The following NCSTN variants were observed in gnomAD, a reference collection of about 807,000 sequenced individuals.
NCSTN encodes the protein nicastrin, also known as anterior pharynx-defective 2.
A neutral mutation model predicts 87.0 loss-of-function variants in NCSTN; 22 were observed. That is an observed-to-expected ratio of 0.25 (90% confidence interval 0.18 to 0.36). NCSTN has a LOEUF of 0.36. Ranked by LOEUF, NCSTN falls within the 10% of genes least tolerant of loss-of-function variation. The pLI, the probability that NCSTN is intolerant of heterozygous loss-of-function variation, is 1.00. For synonymous variants in NCSTN, 306 were observed against 327.1 expected (o/e 0.94, Z 0.69); for missense variants, 693 against 883.3 (o/e 0.78, Z 2.73).
In NCSTN at chr1:160,349,617, C is replaced by G; in HGVS notation, c.383C>G (p.Pro128Arg). The G allele has an allele frequency of 6.2e-7, 1 of 1,614,106 alleles. No individual in the cohort carries two copies. Among genetic ancestry groups the G allele is most frequent in the Non-Finnish European group, 8.5e-7 (1 of 1,180,016 alleles). The part of the protein sequence containing the change: ...IAGLAVSLTK[P>R]SPASGFSPSV... ...GGTCTTGCAGTGTCCTTGACCAAGCCCAGTCCTGCCTCAGGCTTCTCTCCT... is the reference window on the plus strand; with the variant it reads ...GGTCTTGCAGTGTCCTTGACCAAGCGCAGTCCTGCCTCAGGCTTCTCTCCT... The change falls in exon 4 of 17, where the codon CCC (proline) becomes CGC (arginine). Residue 128 changes from proline to arginine, a missense_variant. Physicochemically the swap from Pro to Arg is moderately radical, Grantham distance 103. Coordinates refer to ENST00000294785, the MANE Select transcript of NCSTN (RefSeq NM_015331.3).
intron 2 of NCSTN, among the ~76,000 whole-genome samples, chr1:160,348,154 C>G (rs1252135004): frequency 6.6e-6 from 1 of 152,158 alleles, no homozygotes; most frequent in Non-Finnish European, 1.5e-5. Flanking sequence ...TAGGATATCT[C>G]CACACAGATC....
chr1:160,355,602 G>C, intron 11 of NCSTN, 53 bp from the exon 12 acceptor site: 1 of 1,347,976 alleles, frequency 7.4e-7, no homozygotes, highest in Non-Finnish European at 1.1e-6. Flanking sequence ...AGGGAGGAAA[G>C]GGGCAGAGCC....
At position 160,351,188 on chromosome 1, in the gene NCSTN, T is replaced by C. The variant is rs199955659; in HGVS notation, c.583-34T>C. On this transcript the variant is annotated intron_variant, in intron 5 of 16. Coordinates refer to ENST00000294785, the MANE Select transcript of NCSTN (RefSeq NM_015331.3). ...GATGTAAGGGAGGGCCTCCACAAACTAGCTGTCTCAGTGGGGTCCATCTCC... is the reference window on the plus strand; with the variant it reads ...GATGTAAGGGAGGGCCTCCACAAACCAGCTGTCTCAGTGGGGTCCATCTCC... 8 of 1,613,444 alleles carry C rather than the reference T, an allele frequency of 5.0e-6. No homozygotes were observed. The South Asian group carries it at 8.8e-5, about 18-fold the overall frequency.
Position 160,354,291 on chromosome 1 carries a change from G to C in NCSTN, c.1352+1G>C, listed in dbSNP as rs1361408137. The C allele has an allele frequency of 6.2e-7, 1 of 1,614,110 alleles. No individual in the cohort carries two copies. The highest frequency in any genetic ancestry group is 8.5e-7 in the Non-Finnish European group (1 of 1,179,994). On this transcript the variant is annotated splice_donor_variant, in intron 11 of 16. Coordinates refer to ENST00000294785, the MANE Select transcript of NCSTN (RefSeq NM_015331.3). LOFTEE classifies it high-confidence loss of function. ...ACCACTCTGGTGCCTTCCATAACAAGTAAGAATCACTTGGCCCTGCACCCT... is the reference window on the plus strand; with the variant it reads ...ACCACTCTGGTGCCTTCCATAACAACTAAGAATCACTTGGCCCTGCACCCT...
chr1:160,353,239 T>C lies in NCSTN; in HGVS notation c.1179+2T>C. ...AAAAATGAGTCTGTACGGAACCAGG[T>C]AACCTGAGCATCTCCCCTCATTTCC... On this transcript the variant is annotated splice_donor_variant, in intron 10 of 16. Coordinates refer to ENST00000294785, the MANE Select transcript of NCSTN (RefSeq NM_015331.3). LOFTEE classifies it high-confidence loss of function. 6.2e-7 allele frequency: 1 copy of C among 1,614,102 alleles called. No homozygotes were observed. The highest frequency in any genetic ancestry group is 8.5e-7 in the Non-Finnish European group (1 of 1,179,982).
At chr1:160,349,347 C>T (rs1482725508) in intron 3 of NCSTN, 1 of 897,576 alleles carries the variant, frequency 1.1e-6, no homozygotes, top group Admixed American at 2.0e-5. Context: ...TCCCTCCCCT[C>T]CCTCCCTGGG....
Position 160,343,458 on chromosome 1 carries a change from T to C in NCSTN, c.62T>C (p.Leu21Pro). The C allele has an allele frequency of 6.2e-7, 1 of 1,611,232 alleles. No homozygotes were observed. Among genetic ancestry groups the C allele is most frequent in the Non-Finnish European group, 8.5e-7 (1 of 1,179,146 alleles). The change falls in exon 1 of 17, where the codon CTG (leucine) becomes CCG (proline). Residue 21 changes from leucine (L) to proline (P), a missense_variant. Around this residue, in one of 4 missense-constraint regions of NCSTN, gnomAD observed 235 missense variants for 233.9 expected, o/e 1.00. Transcript: ENST00000294785. ...GGAAGTCGGGGTCTCCTTCGCCTTCTGTCTTTCTGCGTCCTACTAGCAGGT... is the reference window on the plus strand; with the variant it reads ...GGAAGTCGGGGTCTCCTTCGCCTTCCGTCTTTCTGCGTCCTACTAGCAGGT... ...DPGSRGLLRL[L>P]SFCVLLAGLC...
At chr1:160,353,037 C>G in intron 9 of NCSTN, 46 bp downstream of exon 9, 1 of 1,592,044 alleles carries the variant, frequency 6.3e-7, no homozygotes, top group Non-Finnish European at 8.6e-7. Flanking sequence ...TTAAATCTTC[C>G]TCCTTTGTTG....
rs1648250146 is a variant in NCSTN at position 160,343,647 on chromosome 1, G to A, written c.85+166G>A. On this transcript the variant is annotated intron_variant, in intron 1 of 16. Transcript: ENST00000294785. ...ACGACAGAAGTTCCCCCTTTGCCTG[G>A]ACCTGAAGGTCCCTTCTCCCCCGCA... 9.2e-6 allele frequency: 7 copies of A among 761,488 alleles called. No individual in the cohort carries two copies. In the South Asian group the frequency reaches 1.0e-4, roughly 11 times the overall value. 47.2% of individuals were successfully genotyped at this position (761,488 alleles called of 1,614,324 possible).
At chr1:160,357,346 C>T (rs1649181986) in intron 16 of NCSTN, 93 bp downstream of exon 16, 1 of 1,302,488 alleles carries the variant, frequency 7.7e-7, no homozygotes, top group South Asian at 1.3e-5. Context: ...TCCCATTTGC[C>T]CCACATTTGT....
chr1:160,354,397 ACTTCAGGTC>A, intron 11 of NCSTN, 107 bp downstream of exon 11: 1 of 1,206,796 alleles, frequency 8.3e-7, no homozygotes, highest in Non-Finnish European at 1.2e-6. Context: ...CCCCTCCAGA[ACTTCAGGTC>A]CATCTGTATT....
At chr1:160,347,642 C>G (rs1648573924) in intron 2 of NCSTN, among the ~76,000 whole-genome samples, 1 of 152,102 alleles carries the variant, frequency 6.6e-6, no homozygotes, top group Non-Finnish European at 1.5e-5. Context: ...CAGAGTCTCA[C>G]TATGTCACCC....
chr1:160,348,460 C>G (rs748829466), intron 2 of NCSTN, among the ~76,000 whole-genome samples: 3 of 152,172 alleles, frequency 2.0e-5, no homozygotes, highest in Non-Finnish European at 4.4e-5. Context: ...CGAGGCTTAT[C>G]AATTGGGAAG....
At chr1:160,356,571 A>G in intron 14 of NCSTN, 29 bp from the exon 15 acceptor site, 1 of 1,613,716 alleles carries the variant, frequency 6.2e-7, no homozygotes, top group Non-Finnish European at 8.5e-7. Context: ...CACCCACCAA[A>G]TCTTCCCTTC....
chr1:160,345,581 T>C (rs916238752), intron 2 of NCSTN, among the ~76,000 whole-genome samples: 3 of 152,182 alleles, frequency 2.0e-5, no homozygotes, highest in Admixed American at 6.5e-5. Flanking sequence ...ACTTGCACTC[T>C]GAACTTTTTG....
At chr1:160,349,209 C>A in intron 3 of NCSTN, 87 bp downstream of exon 3, 1 of 1,556,526 alleles carries the variant, frequency 6.4e-7, no homozygotes, top group Non-Finnish European at 8.8e-7. Context: ...GAAAACTTCC[C>A]TTGGCTGCCC....
intron 15 of NCSTN, 81 bp from the exon 16 acceptor site, chr1:160,356,960 G>T: frequency 7.0e-7 from 1 of 1,431,098 alleles, no homozygotes. Flanking sequence ...ATTGGTTAGA[G>T]CATGGCACTG....
chr1:160,347,357 C>T (rs1294340442), intron 2 of NCSTN, among the ~76,000 whole-genome samples: 2 of 152,196 alleles, frequency 1.3e-5, no homozygotes, highest in Non-Finnish European at 2.9e-5. Flanking sequence ...TTCTCTTAGA[C>T]GCTTTAAAGT....
chr1:160,352,341 A>C, intron 8 of NCSTN, 135 bp downstream of exon 8: 1 of 1,080,078 alleles, frequency 9.3e-7, no homozygotes, highest in Non-Finnish European at 1.4e-6. Context: ...ATGTGTCTAC[A>C]TGTGTCTCCC....
Sources: gnomAD v4.1 joint callset for allele counts (sites outside exome capture counted in the v4.1 genomes callset) on GRCh38, gnomAD v4.1.1 for gene constraint, gnomAD v4.1.1 regional missense constraint, MANE v1.5 for transcripts, NCBI Gene and HGNC (gene_info 2026-07-23, HGNC 2026-07-21) for gene names.